Variants in SUSD4 observed in about 807,000 individuals in gnomAD.
SUSD4 encodes sushi domain-containing protein 4.
A neutral mutation model predicts 50.5 loss-of-function variants in SUSD4; 41 were observed. That is an observed-to-expected ratio of 0.81 (90% CI 0.63 to 1.05). The LOEUF (loss-of-function observed/expected upper bound fraction) is 1.05, where lower values mean the gene tolerates loss of function less well. Among genes scored for constraint, SUSD4 ranks in the 50% least tolerant of loss-of-function variants. The pLI, the probability that SUSD4 is intolerant of heterozygous loss-of-function variation, is 0.00. For missense variants in SUSD4, 580 were observed against 634.7 expected, an observed-to-expected ratio of 0.91 and a Z score of 0.93; for synonymous variants, 257 against 257.3, an observed-to-expected ratio of 1.00 and a Z score of 0.01.
intron 5 of SUSD4, among the ~76,000 whole-genome samples, chr1:223,257,241 T>C (rs1303025782): frequency 1.3e-5 from 2 of 152,122 alleles, no homozygotes; most frequent in African/African-American, 2.4e-5. Context: ...CGGTGGTTCA[T>C]GCCTGTAGTC....
intron 2 of SUSD4, among the ~76,000 whole-genome samples, chr1:223,294,997 C>T (rs978354623): frequency 6.6e-6 from 1 of 152,152 alleles, no homozygotes; most frequent in Non-Finnish European, 1.5e-5. Context: ...CCACTTCATA[C>T]CATCATGAAT....
intron 2 of SUSD4, among the ~76,000 whole-genome samples, chr1:223,322,292 A>G (rs1666618579): frequency 1.3e-5 from 2 of 152,246 alleles, no homozygotes; most frequent in East Asian, 3.9e-4. Flanking sequence ...GTTAGAGATT[A>G]GTAAAATTAA....
chr1:223,360,809 G>GA (rs1445069805), intron 2 of SUSD4, among the ~76,000 whole-genome samples: 4 of 151,638 alleles, frequency 2.6e-5, no homozygotes, highest in East Asian at 1.9e-4. Flanking sequence ...TTTTGTGGAT[G>GA]AAAAAAAAGC....
intron 2 of SUSD4, among the ~76,000 whole-genome samples, chr1:223,354,352 AAAG>A: frequency 6.6e-6 from 1 of 152,276 alleles, no homozygotes; most frequent in African/African-American, 2.4e-5. Flanking sequence ...AAAAAAAAAA[AAAG>A]AACACCTCGC....
intron 3 of SUSD4, among the ~76,000 whole-genome samples, chr1:223,276,492 T>A (rs1238735306): frequency 2.0e-5 from 3 of 152,226 alleles, no homozygotes; most frequent in Non-Finnish European, 4.4e-5. Flanking sequence ...GGTCCACCTG[T>A]CATCTTGCAA....
At chr1:223,344,114 T>G (rs543751712) in intron 2 of SUSD4, among the ~76,000 whole-genome samples, 32 of 152,220 alleles carry the variant, frequency 2.1e-4, no homozygotes, top group African/African-American at 7.5e-4. Flanking sequence ...AACCTGTCTA[T>G]GCTTAGCCTT....
chr1:223,278,138 C>T (rs964357827), intron 3 of SUSD4, among the ~76,000 whole-genome samples: 4 of 152,162 alleles, frequency 2.6e-5, no homozygotes, highest in South Asian at 2.1e-4. Context: ...CCAGCATGAG[C>T]GACGCAGAAG....
intron 4 of SUSD4, among the ~76,000 whole-genome samples, chr1:223,267,305 A>T (rs1662559101): frequency 6.6e-6 from 1 of 152,146 alleles, no homozygotes; most frequent in African/African-American, 2.4e-5. Context: ...AACAGAAAGG[A>T]TGGGAGAACA....
chr1:223,267,220 G>C (rs1433431980), intron 4 of SUSD4, among the ~76,000 whole-genome samples: 1 of 152,064 alleles, frequency 6.6e-6, no homozygotes, highest in Non-Finnish European at 1.5e-5. Context: ...ACCAACACAG[G>C]GTATTTCTTT....
At chr1:223,223,748 G>T in intron 7 of SUSD4, 117 bp from the exon 8 acceptor site, 1 of 1,249,254 alleles carries the variant, frequency 8.0e-7, no homozygotes, top group Non-Finnish European at 1.1e-6. Flanking sequence ...GCAGAGTCCC[G>T]TATGGAGGAT....
At chr1:223,313,714 A>T (rs1666013613) in intron 2 of SUSD4, among the ~76,000 whole-genome samples, 1 of 152,170 alleles carries the variant, frequency 6.6e-6, no homozygotes, top group Non-Finnish European at 1.5e-5. Flanking sequence ...TGATAAAAGA[A>T]TGCTGTAAAG....
chr1:223,319,892 G>A lies in SUSD4; in HGVS notation c.149-27241C>T, dbSNP rs141330721. 4.2e-3 allele frequency among the ~76,000 whole-genome samples: 633 copies of A among 152,302 alleles called. 3 individuals are homozygous for A. Among genetic ancestry groups the A allele is most frequent in the Middle Eastern group, 0.017 (5 of 294 alleles). On this transcript the variant is annotated intron_variant, in intron 2 of 8. Transcript: ENST00000366878. ...GGGGTGGATGGTGGAAAAGGCAAGG[G>A]CTCGAAGCCAATCAGATCTGGGTTC...
chr1:223,263,645 G>A (rs2103071576), intron 5 of SUSD4: 1 of 985,248 alleles, frequency 1.0e-6, no homozygotes, highest in Non-Finnish European at 1.2e-6. Flanking sequence ...GAGATTCCAT[G>A]GCTCCAGCCA....
At chr1:223,351,313 AAGTAGGGGCAC>A (rs1323247114) in intron 2 of SUSD4, among the ~76,000 whole-genome samples, 2 of 152,238 alleles carry the variant, frequency 1.3e-5, no homozygotes, top group African/African-American at 4.8e-5. Flanking sequence ...ACAACATCTA[AAGTAGGGGCAC>A]AGTCAAGTGG....
intron 5 of SUSD4, among the ~76,000 whole-genome samples, chr1:223,233,602 A>G (rs1477222632): frequency 6.6e-6 from 1 of 152,176 alleles, no homozygotes; most frequent in Non-Finnish European, 1.5e-5. Flanking sequence ...GACACATGGC[A>G]AACAGCCCCA....
chr1:223,256,793 T>C (rs909256473), intron 5 of SUSD4, among the ~76,000 whole-genome samples: 4 of 152,096 alleles, frequency 2.6e-5, no homozygotes, highest in Non-Finnish European at 5.9e-5. Context: ...AGAACCCAGA[T>C]CAAAATTTCC....
intron 2 of SUSD4, among the ~76,000 whole-genome samples, chr1:223,300,763 C>T (rs1260692595): frequency 6.6e-6 from 1 of 152,178 alleles, no homozygotes; most frequent in Non-Finnish European, 1.5e-5. Context: ...TTTGCAAATG[C>T]TCACTGGAAT....
chr1:223,261,400 T>C (rs1395388931), intron 5 of SUSD4, among the ~76,000 whole-genome samples: 1 of 145,718 alleles, frequency 6.9e-6, no homozygotes, highest in African/African-American at 2.6e-5. Context: ...ATCCATGCTA[T>C]AGTCCCAGCT....
chr1:223,246,854 A>G (rs145541674), intron 5 of SUSD4, among the ~76,000 whole-genome samples: 1 of 152,318 alleles, frequency 6.6e-6, no homozygotes, highest in African/African-American at 2.4e-5. Flanking sequence ...AAATAATAAA[A>G]TGAGGCTTAA....
Sources: allele counts gnomAD v4.1 joint callset (sites outside exome capture counted in the v4.1 genomes callset), GRCh38; gene constraint gnomAD v4.1.1; transcripts MANE v1.5; gene names NCBI Gene and HGNC (gene_info 2026-07-23, HGNC 2026-07-21).